The following FNDC3B variants were observed in gnomAD, a reference collection of about 807,000 sequenced individuals.
FNDC3B encodes fibronectin type III domain-containing protein 3B.
In FNDC3B, 12 loss-of-function variants were observed where a neutral mutation model predicts 151.5. That is an observed-to-expected ratio of 0.08 (90% CI 0.05 to 0.13). FNDC3B has a LOEUF of 0.13. Ranked by LOEUF, FNDC3B falls within the 10% of genes least tolerant of loss-of-function variation. The pLI is 1.00. For synonymous variants in FNDC3B, 528 were observed against 549.0 expected (o/e 0.96, Z 0.54); for missense variants, 1,214 against 1,505.3 (o/e 0.81, Z 3.20).
At chr3:172,083,330 G>A (rs375481576) in intron 1 of FNDC3B, among the ~76,000 whole-genome samples, 1 of 152,214 alleles carries the variant, frequency 6.6e-6, no homozygotes, top group East Asian at 1.9e-4. Flanking sequence ...AGGATGGAGC[G>A]TGCAGATGGA....
intron 3 of FNDC3B, among the ~76,000 whole-genome samples, chr3:172,190,311 A>T (rs1481306017): frequency 6.6e-6 from 1 of 152,242 alleles, no homozygotes; most frequent in African/African-American, 2.4e-5. Flanking sequence ...CCTGTCACTG[A>T]TGTTTAAAAT....
At chr3:172,183,624 C>T (rs1724026954) in intron 3 of FNDC3B, among the ~76,000 whole-genome samples, 1 of 152,196 alleles carries the variant, frequency 6.6e-6, no homozygotes, top group African/African-American at 2.4e-5. Context: ...TTTCACTTAT[C>T]CAGGTGTTGC....
At chr3:172,270,440 A>T (rs967480520) in intron 6 of FNDC3B, among the ~76,000 whole-genome samples, 1 of 152,046 alleles carries the variant, frequency 6.6e-6, no homozygotes, top group Non-Finnish European at 1.5e-5. Flanking sequence ...ACTTTCTCCA[A>T]TTCTCTAACA....
intron 1 of FNDC3B, among the ~76,000 whole-genome samples, chr3:172,085,692 T>C (rs1223066009): frequency 6.6e-6 from 1 of 152,238 alleles, no homozygotes; most frequent in African/African-American, 2.4e-5. Context: ...AGGTCTAGAC[T>C]TTTTATGATT....
chr3:172,191,498 ATTG>A (rs1302175618), intron 3 of FNDC3B, among the ~76,000 whole-genome samples: 5 of 151,896 alleles, frequency 3.3e-5, no homozygotes, highest in African/African-American at 1.2e-4. Flanking sequence ...TTTCAAATTC[ATTG>A]TTGTTGTTTT....
At chr3:172,333,871 A>G (rs905461224) in intron 14 of FNDC3B, among the ~76,000 whole-genome samples, 6 of 151,998 alleles carry the variant, frequency 3.9e-5, no homozygotes, top group African/African-American at 1.5e-4. Flanking sequence ...ACTTGCTTGT[A>G]ATTTTCTCTT....
At chr3:172,289,918 A>T (rs777230417) in intron 7 of FNDC3B, among the ~76,000 whole-genome samples, 6 of 152,236 alleles carry the variant, frequency 3.9e-5, no homozygotes, top group Non-Finnish European at 5.9e-5. Flanking sequence ...GAAAGGTAGG[A>T]TAAGAAATAC....
At chr3:172,072,054 A>G (rs1322042365) in intron 1 of FNDC3B, among the ~76,000 whole-genome samples, 1 of 150,414 alleles carries the variant, frequency 6.6e-6, no homozygotes, top group African/African-American at 2.5e-5. Context: ...TATGTCGGAA[A>G]CTCATCCTTC....
intron 3 of FNDC3B, among the ~76,000 whole-genome samples, chr3:172,154,114 G>A (rs1437181259): frequency 9.2e-5 from 14 of 152,164 alleles, no homozygotes; most frequent in Admixed American, 7.9e-4. Context: ...AGGCATCCAG[G>A]ACAGCTCCTT....
At chr3:172,226,101 T>C (rs1576815410) in intron 3 of FNDC3B, among the ~76,000 whole-genome samples, 1 of 151,000 alleles carries the variant, frequency 6.6e-6, no homozygotes, top group Non-Finnish European at 1.5e-5. Context: ...AGGTCAGGAG[T>C]TCAAGACCAG....
At chr3:172,152,731 C>T (rs557204107) in intron 3 of FNDC3B, among the ~76,000 whole-genome samples, 1 of 152,152 alleles carries the variant, frequency 6.6e-6, no homozygotes, top group South Asian at 2.1e-4. Flanking sequence ...TTTCACGGGA[C>T]CCCTGTTTGA....
At chr3:172,265,352 A>G (rs1728871707) in intron 6 of FNDC3B, among the ~76,000 whole-genome samples, 1 of 152,222 alleles carries the variant, frequency 6.6e-6, no homozygotes, top group Non-Finnish European at 1.5e-5. Flanking sequence ...GAAAACAGTG[A>G]ACATCAAAGA....
chr3:172,145,002 CTT>C (rs1052349136), intron 3 of FNDC3B, among the ~76,000 whole-genome samples: 1 of 146,150 alleles, frequency 6.8e-6, no homozygotes. Flanking sequence ...CCCCCTACCA[CTT>C]TTTTTTTTTT....
At chr3:172,307,334 G>A in intron 9 of FNDC3B, 29 bp from the exon 10 acceptor site, 1 of 1,613,140 alleles carries the variant, frequency 6.2e-7, no homozygotes, top group East Asian at 2.2e-5. Context: ...ATGAGTCACT[G>A]CCACTGACTG....
chr3:172,354,654 T>TG (rs1319464044), intron 22 of FNDC3B, among the ~76,000 whole-genome samples: 1 of 151,976 alleles, frequency 6.6e-6, no homozygotes, highest in Non-Finnish European at 1.5e-5. Context: ...AAAACATAAT[T>TG]GCAGTAATTA....
At chr3:172,355,845 C>T (rs963394266) in intron 22 of FNDC3B, among the ~76,000 whole-genome samples, 96 of 152,166 alleles carry the variant, frequency 6.3e-4, no homozygotes, top group Non-Finnish European at 9.4e-4. Context: ...TTGGTGGCCT[C>T]GCTGATGTGC....
At chr3:172,123,351 T>C (rs529503528) in intron 2 of FNDC3B, among the ~76,000 whole-genome samples, 1 of 152,194 alleles carries the variant, frequency 6.6e-6, no homozygotes, top group East Asian at 1.9e-4. Flanking sequence ...TAACCAAACC[T>C]TTTGTTGTTG....
At chr3:172,217,871 A>G (rs1243511605) in intron 3 of FNDC3B, among the ~76,000 whole-genome samples, 2 of 152,208 alleles carry the variant, frequency 1.3e-5, no homozygotes, top group Admixed American at 1.3e-4. Context: ...TCAAATTGGC[A>G]AGACAGAATT....
intron 25 of FNDC3B, among the ~76,000 whole-genome samples, chr3:172,388,199 A>T (rs1735818252): frequency 6.6e-6 from 1 of 152,236 alleles, no homozygotes; most frequent in Non-Finnish European, 1.5e-5. Flanking sequence ...AGCCTCCAGC[A>T]GCCGAGTATG....
Sources: allele counts gnomAD v4.1 joint callset (sites outside exome capture counted in the v4.1 genomes callset), GRCh38; gene constraint gnomAD v4.1.1; transcripts MANE v1.5; gene names NCBI Gene and HGNC (gene_info 2026-07-23, HGNC 2026-07-21).